Variants in PNOC observed in about 807,000 individuals in gnomAD.
PNOC encodes nociceptin.
Under a neutral mutation model 15.6 loss-of-function variants are expected in PNOC, and 10 were observed. The observed-to-expected ratio is 0.64, with a 90% confidence interval of 0.40 to 1.09. The LOEUF is 1.09. Among genes scored for constraint, PNOC ranks in the 50% least tolerant of loss-of-function variants. The pLI is 0.01. For synonymous variants in PNOC, 98 were observed against 88.5 expected (o/e 1.11, Z -0.60); for missense variants, 220 against 223.9 (o/e 0.98, Z 0.11).
chr8:28,329,419 C>T (rs1423647117), intron 2 of PNOC, 136 bp downstream of exon 2: 3 of 929,830 alleles, frequency 3.2e-6, no homozygotes, highest in African/African-American at 1.7e-5. Context: ...TTACATGGCC[C>T]ATAGGAAACA....
At chr8:28,337,310 T>TTA (rs61647518) in intron 2 of PNOC, among the ~76,000 whole-genome samples, 49,223 of 152,058 alleles carry the variant, frequency 0.32, 9,927 homozygotes, top group Non-Finnish European at 0.46. Context: ...CGATCACCTT[T>TTA]TTTTTCTTTT....
intron 2 of PNOC, among the ~76,000 whole-genome samples, chr8:28,331,807 A>G (rs1489857453): frequency 6.6e-6 from 1 of 151,328 alleles, no homozygotes; most frequent in African/African-American, 2.4e-5. Context: ...TATCTGCAGG[A>G]CTCTCTCTCC....
intron 1 of PNOC, among the ~76,000 whole-genome samples, chr8:28,327,244 C>T: frequency 1.3e-5 from 2 of 152,190 alleles, no homozygotes; most frequent in East Asian, 1.9e-4. Context: ...TGATACAGTA[C>T]AGGGAAGCAT....
At chr8:28,320,792 G>A (rs889958476) in intron 1 of PNOC, among the ~76,000 whole-genome samples, 10 of 150,850 alleles carry the variant, frequency 6.6e-5, no homozygotes, top group African/African-American at 1.9e-4. Flanking sequence ...TGGAGGTTGC[G>A]GTGAGCCGAG....
At chr8:28,336,446 G>A (rs2645717) in intron 2 of PNOC, among the ~76,000 whole-genome samples, 49,709 of 152,034 alleles carry the variant, frequency 0.33, 10,007 homozygotes, top group Non-Finnish European at 0.46. Flanking sequence ...AGGATGGATG[G>A]AAGGATGCAA....
chr8:28,342,651 G>A (rs1271436030), intron 3 of PNOC, among the ~76,000 whole-genome samples: 1 of 152,190 alleles, frequency 6.6e-6, no homozygotes, highest in Non-Finnish European at 1.5e-5. Context: ...TATTTCGCAT[G>A]GGCTCCGAAT....
intron 1 of PNOC, among the ~76,000 whole-genome samples, chr8:28,328,059 CTTTTTTTTTTTTT>C (rs67204932): frequency 1.2e-5 from 1 of 82,060 alleles, no homozygotes; most frequent in Non-Finnish European, 2.2e-5. Context: ...CTCTCTCTCT[CTTTTTTTTTTTTT>C]TTTTTTTTTT....
At chr8:28,323,350 C>G (rs145874580) in intron 1 of PNOC, among the ~76,000 whole-genome samples, 2 of 152,086 alleles carry the variant, frequency 1.3e-5, no homozygotes, top group African/African-American at 4.8e-5. Context: ...GCTTGGCTCA[C>G]GAAGTGAAAT....
intron 3 of PNOC, 180 bp downstream of exon 3, chr8:28,339,671 C>A (rs1801482374): frequency 2.2e-6 from 1 of 447,844 alleles, no homozygotes; most frequent in Non-Finnish European, 3.8e-6. Context: ...TATGATTGCA[C>A]CTTGAAGCTG....
rs948801562 is a variant in PNOC at position 28,339,155 on chromosome 8, C to T, written c.242C>T (p.Ala81Val). 3.7e-6 allele frequency: 6 copies of T among 1,613,412 alleles called. No individual in the cohort carries two copies. The highest frequency in any genetic ancestry group is 2.2e-5 in the East Asian group (1 of 44,880). Reference sequence around the variant, plus strand: ...AGCCCTGCCGCCCCAGAGCATGTGGCGGCTGCTCTCTACCAGCCGAGAGCT... The same window carrying T: ...AGCCCTGCCGCCCCAGAGCATGTGGTGGCTGCTCTCTACCAGCCGAGAGCT... ...QLSPAAPEHV[A>V]AALYQPRASE... The change falls in exon 3 of 4, where the codon GCG (alanine) becomes GTG (valine). Residue 81 changes from alanine (A) to valine (V), a missense_variant. By Grantham distance (64) the Ala-to-Val change is moderately conservative. Coordinates refer to ENST00000301908, the MANE Select transcript of PNOC (RefSeq NM_006228.5).
intron 2 of PNOC, among the ~76,000 whole-genome samples, chr8:28,335,340 C>A (rs941122340): frequency 6.6e-6 from 1 of 152,186 alleles, no homozygotes; most frequent in Admixed American, 6.5e-5. Context: ...GTTATCTAAC[C>A]GTGTTGTTTT....
intron 1 of PNOC, among the ~76,000 whole-genome samples, chr8:28,320,692 T>C (rs967103612): frequency 6.6e-6 from 1 of 151,338 alleles, no homozygotes; most frequent in African/African-American, 2.4e-5. Flanking sequence ...CTACTAAAAA[T>C]ACAAAAAAAT....
At chr8:28,328,963 G>T (rs528691922) in intron 1 of PNOC, among the ~76,000 whole-genome samples, 172 bp from the exon 2 acceptor site, 1 of 152,066 alleles carries the variant, frequency 6.6e-6, no homozygotes, top group Admixed American at 6.6e-5. Flanking sequence ...AGGCAGGGTC[G>T]CCTATGGCCT....
At chr8:28,337,749 A>ATTT (rs34374836) in intron 2 of PNOC, among the ~76,000 whole-genome samples, 43 of 140,012 alleles carry the variant, frequency 3.1e-4, no homozygotes, top group Non-Finnish European at 5.6e-4. Flanking sequence ...CGCCCAGCTA[A>ATTT]TTTTTTTTTT....
At chr8:28,336,233 G>T (rs939857221) in intron 2 of PNOC, among the ~76,000 whole-genome samples, 1 of 152,150 alleles carries the variant, frequency 6.6e-6, no homozygotes, top group African/African-American at 2.4e-5. Context: ...TTCCTGCAAG[G>T]GATTCACACA....
intron 1 of PNOC, among the ~76,000 whole-genome samples, chr8:28,318,280 G>T (rs1340234898): frequency 6.6e-6 from 1 of 152,072 alleles, no homozygotes; most frequent in Non-Finnish European, 1.5e-5. Flanking sequence ...AGGATGATTC[G>T]GGAAATGGAC....
chr8:28,322,348 C>T (rs536848627), intron 1 of PNOC, among the ~76,000 whole-genome samples: 13 of 152,172 alleles, frequency 8.5e-5, no homozygotes, highest in Middle Eastern at 3.4e-3. Flanking sequence ...GCCAAGATAG[C>T]GCCACTGAAC....
intron 1 of PNOC, among the ~76,000 whole-genome samples, chr8:28,324,428 G>A (rs922156363): frequency 1.3e-5 from 2 of 152,346 alleles, no homozygotes; most frequent in East Asian, 3.8e-4. Context: ...TATTAGGAAG[G>A]AAAGGAAACG....
At chr8:28,322,860 C>T (rs1801171912) in intron 1 of PNOC, among the ~76,000 whole-genome samples, 1 of 152,174 alleles carries the variant, frequency 6.6e-6, no homozygotes, top group African/African-American at 2.4e-5. Context: ...CTTGCTTAAC[C>T]TCTAAGAGTT....
Sources: allele counts gnomAD v4.1 joint callset (sites outside exome capture counted in the v4.1 genomes callset), GRCh38; gene constraint gnomAD v4.1.1; transcripts MANE v1.5; gene names NCBI Gene and HGNC (gene_info 2026-07-23, HGNC 2026-07-21).